Variants in LEF1 observed in about 807,000 individuals in gnomAD.
LEF1 encodes the protein lymphoid enhancer-binding factor 1.
LEF1 carries 14 observed loss-of-function variants against 51.2 expected under a neutral mutation model. The observed-to-expected ratio is 0.27, with a 90% CI of 0.18 to 0.43. LEF1 has a LOEUF of 0.43. Among genes scored for constraint, LEF1 ranks in the 20% least tolerant of loss-of-function variants. LEF1 has a pLI of 1.00. For missense variants in LEF1, 386 were observed against 512.0 expected (o/e 0.75, Z 2.37); for synonymous variants, 185 against 183.2 (o/e 1.01, Z -0.08).
chr4:108,134,700 C>T (rs1389094093), intron 3 of LEF1, among the ~76,000 whole-genome samples: 1 of 152,226 alleles, frequency 6.6e-6, no homozygotes, highest in Non-Finnish European at 1.5e-5. Flanking sequence ...CTCTCCATTC[C>T]TCACTCTGCT....
At chr4:108,165,335 G>C (rs2110427180) in intron 1 of LEF1, 172 bp from the exon 2 acceptor site, 2 of 538,954 alleles carry the variant, frequency 3.7e-6, no homozygotes, top group East Asian at 6.0e-5. Flanking sequence ...TCCTTTTCTT[G>C]TCAACATGTA....
intron 11 of LEF1, 107 bp downstream of exon 11, chr4:108,063,512 CTCTT>C (rs1329417899): frequency 1.6e-5 from 13 of 826,722 alleles, no homozygotes; most frequent in Non-Finnish European, 2.6e-5. Flanking sequence ...CTGAGTTCTC[CTCTT>C]TAAGGAGCAA....
chr4:108,120,674 C>T (rs1221797317), intron 3 of LEF1, among the ~76,000 whole-genome samples: 1 of 152,158 alleles, frequency 6.6e-6, no homozygotes, highest in Non-Finnish European at 1.5e-5. Flanking sequence ...TTGCAACAAA[C>T]ACTGATCATC....
In LEF1 at chr4:108,059,154, T is replaced by C. The variant is rs116526712; in HGVS notation, c.*6+4469A>G. Among the ~76,000 whole-genome samples, 748 of 152,328 alleles carry C rather than the reference T, an allele frequency of 4.9e-3. 7 individuals carry two copies. Among genetic ancestry groups the C allele is most frequent in the African/African-American group, 0.018 (730 of 41,588 alleles). ...AATCTGATTTCACCAGGGTGAAACA[T>C]TTTTTAATGCTCAAAAGTAGAAACA... On this transcript the variant is annotated intron_variant, in intron 11 of 11. Transcript: ENST00000265165.
intron 3 of LEF1, among the ~76,000 whole-genome samples, chr4:108,126,802 CTCA>C (rs1742565864): frequency 1.7e-5 from 1 of 58,904 alleles, no homozygotes; most frequent in African/African-American, 4.4e-5. Flanking sequence ...GAGACTTTCT[CTCA>C]AAAAAAAAAA....
At chr4:108,069,507 T>C (rs1322599791) in intron 9 of LEF1, among the ~76,000 whole-genome samples, 2 of 152,190 alleles carry the variant, frequency 1.3e-5, no homozygotes, top group Non-Finnish European at 2.9e-5. Context: ...CTACACTGAA[T>C]AGAATATGTG....
intron 3 of LEF1, among the ~76,000 whole-genome samples, chr4:108,128,212 A>T (rs1464111589): frequency 6.6e-6 from 1 of 152,086 alleles, no homozygotes; most frequent in Non-Finnish European, 1.5e-5. Context: ...TTTGGGAGGG[A>T]GCAGAGTTCT....
At chr4:108,147,531 G>A (rs2110386725) in intron 3 of LEF1, among the ~76,000 whole-genome samples, 1 of 152,146 alleles carries the variant, frequency 6.6e-6, no homozygotes, top group East Asian at 1.9e-4. Context: ...TTCCTCTATA[G>A]ATACATAAGA....
chr4:108,066,428 T>C (rs1208528889), intron 9 of LEF1, among the ~76,000 whole-genome samples: 1 of 152,190 alleles, frequency 6.6e-6, no homozygotes, highest in Non-Finnish European at 1.5e-5. Context: ...GGGCTCTTCT[T>C]CCTCGCTCCC....
Position 108,048,445 on chromosome 4 carries a change from G to A in LEF1, c.*313C>T. 3 of 344,586 alleles carry A rather than the reference G, an allele frequency of 8.7e-6. No homozygotes were observed. The allele number at this position is 344,586 out of a possible 1,614,324, so 21.3% of individuals were successfully genotyped here. A position where few individuals can be genotyped will look rare whatever the true frequency, so the allele number is the denominator to read the frequency against. ...TGCACGCAGATATGAGGGGAGAAAA[G>A]CTGCTCAGCTGCCCCACAGCCTGCT... On this transcript the variant is annotated 3_prime_UTR_variant, in exon 12 of 12. Transcript: ENST00000265165.
chr4:108,062,864 G>A (rs1318740233), intron 11 of LEF1, among the ~76,000 whole-genome samples: 1 of 152,108 alleles, frequency 6.6e-6, no homozygotes, highest in Non-Finnish European at 1.5e-5. Flanking sequence ...GCTCCTTTGA[G>A]AACTGTTACC....
chr4:108,064,431 C>T (rs368442072), intron 9 of LEF1, 47 bp from the exon 10 acceptor site: 12 of 1,408,476 alleles, frequency 8.5e-6, no homozygotes, highest in Admixed American at 3.4e-5. Context: ...GTACCATGAA[C>T]ACACAGATGA....
chr4:108,103,050 A>G (rs568005365), intron 3 of LEF1, among the ~76,000 whole-genome samples: 1 of 152,268 alleles, frequency 6.6e-6, no homozygotes, highest in East Asian at 1.9e-4. Context: ...GATGCAGCCC[A>G]TTTTCTGGTT....
chr4:108,107,519 G>A (rs1018959293), intron 3 of LEF1, among the ~76,000 whole-genome samples: 1 of 150,246 alleles, frequency 6.7e-6, no homozygotes, highest in South Asian at 2.1e-4. Context: ...TTTTTTTAAA[G>A]GGAAATGGTG....
At chr4:108,110,957 T>G (rs1741496604) in intron 3 of LEF1, among the ~76,000 whole-genome samples, 1 of 152,120 alleles carries the variant, frequency 6.6e-6, no homozygotes, top group Non-Finnish European at 1.5e-5. Flanking sequence ...GATGAACACT[T>G]ACTAAATTGG....
intron 9 of LEF1, among the ~76,000 whole-genome samples, chr4:108,065,909 ATTATTGTTT>A (rs200281718): frequency 0.015 from 2,235 of 152,186 alleles, 21 homozygotes; most frequent in African/African-American, 0.026. Context: ...AATAATAATT[ATTATTGTTT>A]TTATTTGAGA....
chr4:108,086,497 T>C (rs1739654512), intron 4 of LEF1, among the ~76,000 whole-genome samples: 1 of 152,210 alleles, frequency 6.6e-6, no homozygotes. Context: ...GTAACTTCTA[T>C]AGACATAGGT....
At chr4:108,069,831 GCC>G (rs1352215686) in intron 9 of LEF1, among the ~76,000 whole-genome samples, 2 of 151,860 alleles carry the variant, frequency 1.3e-5, no homozygotes, top group Non-Finnish European at 2.9e-5. Context: ...GGGGGTGCAT[GCC>G]TGTAATCCCA....
chr4:108,157,703 T>C (rs1744818966), intron 3 of LEF1, among the ~76,000 whole-genome samples: 1 of 152,102 alleles, frequency 6.6e-6, no homozygotes, highest in South Asian at 2.1e-4. Context: ...AATGGAAAAA[T>C]GGGGTTGGCA....
Sources: allele counts gnomAD v4.1 joint callset (sites outside exome capture counted in the v4.1 genomes callset), GRCh38; gene constraint gnomAD v4.1.1; transcripts MANE v1.5; gene names NCBI Gene and HGNC (gene_info 2026-07-23, HGNC 2026-07-21).